Variants in RAB30 observed in about 807,000 individuals in gnomAD.
RAB30 encodes ras-related protein Rab-30.
Under a neutral mutation model 25.1 loss-of-function variants are expected in RAB30, and 9 were observed. The observed-to-expected ratio is 0.36, with a 90% CI of 0.22 to 0.63. RAB30 has a LOEUF of 0.63. Ranked by LOEUF, RAB30 falls within the 20% of genes least tolerant of loss-of-function variation. The pLI is 0.69. For missense variants in RAB30, 140 were observed against 243.5 expected (o/e 0.58, Z 2.83); for synonymous variants, 77 against 86.4 (o/e 0.89, Z 0.60).
chr11:83,003,486 G>A (rs1278476124), intron 1 of RAB30, among the ~76,000 whole-genome samples: 9 of 151,980 alleles, frequency 5.9e-5, no homozygotes, highest in Non-Finnish European at 1.2e-4. Context: ...GCAATGGCGC[G>A]ATCTCGGCTC....
intron 1 of RAB30, among the ~76,000 whole-genome samples, chr11:83,054,885 C>T (rs1013263087): frequency 5.9e-5 from 9 of 151,948 alleles, no homozygotes; most frequent in African/African-American, 1.9e-4. Flanking sequence ...AAAAGAAAAA[C>T]GAAAAGAAAG....
Position 82,982,222 on chromosome 11 carries a change from T to C in RAB30, c.555A>G (p.Ser185=). The part of the protein sequence containing the change: ...RQNTLVNNVS[S]PLPGEGKSIS... ...TGCTTTTCCCTTCTCCAGGTAAGGGTGAGGATACATTGTTCACAAGTGTGT... is the reference window on the plus strand; with the variant it reads ...TGCTTTTCCCTTCTCCAGGTAAGGGCGAGGATACATTGTTCACAAGTGTGT... The change falls in exon 5 of 5, where the codon TCA becomes TCG. Residue 185 remains serine, a synonymous_variant. Coordinates refer to ENST00000527633, the MANE Select transcript of RAB30 (RefSeq NM_001286060.2). The C allele has an allele frequency of 6.2e-7, 1 of 1,614,106 alleles. No individual in the cohort carries two copies. Among genetic ancestry groups the C allele is most frequent in the African/African-American group, 1.3e-5 (1 of 75,012 alleles).
At chr11:83,067,594 T>A (rs1858732529) in intron 1 of RAB30, among the ~76,000 whole-genome samples, 1 of 152,208 alleles carries the variant, frequency 6.6e-6, no homozygotes, top group Non-Finnish European at 1.5e-5. Flanking sequence ...TCTGAAAACG[T>A]CATCCCCAGT....
At chr11:83,006,746 C>T (rs890733468) in intron 1 of RAB30, among the ~76,000 whole-genome samples, 1 of 152,212 alleles carries the variant, frequency 6.6e-6, no homozygotes, top group Non-Finnish European at 1.5e-5. Flanking sequence ...AGCTGCACCC[C>T]TTCATGGGAC....
chr11:82,999,873 A>G (rs1408566019), intron 1 of RAB30, among the ~76,000 whole-genome samples: 5 of 151,850 alleles, frequency 3.3e-5, no homozygotes, highest in Non-Finnish European at 7.4e-5. Context: ...TAAACTCACC[A>G]TGCTACCTGT....
At chr11:83,065,548 A>T (rs924764654) in intron 1 of RAB30, among the ~76,000 whole-genome samples, 2 of 152,192 alleles carry the variant, frequency 1.3e-5, no homozygotes, top group African/African-American at 4.8e-5. Flanking sequence ...GATGTGAGCT[A>T]CTATGCCCAG....
intron 1 of RAB30, among the ~76,000 whole-genome samples, chr11:83,006,475 T>C (rs995680977): frequency 6.6e-6 from 1 of 152,212 alleles, no homozygotes; most frequent in African/African-American, 2.4e-5. Context: ...TATGATTCTA[T>C]ATCTGTATAG....
At chr11:83,057,813 G>A (rs963407681) in intron 1 of RAB30, among the ~76,000 whole-genome samples, 8 of 152,152 alleles carry the variant, frequency 5.3e-5, no homozygotes, top group African/African-American at 7.2e-5. Context: ...AAAAGTATTC[G>A]TCAGACCATG....
At chr11:83,067,516 C>T (rs1858728873) in intron 1 of RAB30, among the ~76,000 whole-genome samples, 1 of 152,180 alleles carries the variant, frequency 6.6e-6, no homozygotes, top group Admixed American at 6.5e-5. Context: ...GAACCTCAAA[C>T]TCAGCATGTC....
intron 1 of RAB30, among the ~76,000 whole-genome samples, chr11:83,037,440 G>A (rs1693840364): frequency 6.6e-6 from 1 of 152,122 alleles, no homozygotes; most frequent in African/African-American, 2.4e-5. Flanking sequence ...AGTAGAGACA[G>A]GGTTTCGCCA....
intron 1 of RAB30, among the ~76,000 whole-genome samples, chr11:83,001,867 C>T (rs919044360): frequency 6.6e-6 from 1 of 152,262 alleles, no homozygotes; most frequent in East Asian, 1.9e-4. Flanking sequence ...ATTTTATATT[C>T]TATTATTGTT....
intron 3 of RAB30, 122 bp downstream of exon 3, chr11:82,993,917 G>T: frequency 4.0e-6 from 3 of 744,558 alleles, no homozygotes; most frequent in Non-Finnish European, 6.6e-6. Context: ...AGCCATTATG[G>T]CTGAGTGCAT....
At chr11:83,023,232 C>T (rs1857623618) in intron 1 of RAB30, among the ~76,000 whole-genome samples, 2 of 152,108 alleles carry the variant, frequency 1.3e-5, no homozygotes, top group South Asian at 2.1e-4. Flanking sequence ...CTGAGATACA[C>T]AACATATAAA....
At chr11:82,996,252 C>G (rs1856956890) in intron 2 of RAB30, among the ~76,000 whole-genome samples, 1 of 152,172 alleles carries the variant, frequency 6.6e-6, no homozygotes, top group Admixed American at 6.5e-5. Flanking sequence ...CACAGACTGT[C>G]AGAGCTGGAA....
intron 3 of RAB30, among the ~76,000 whole-genome samples, chr11:82,990,249 A>G (rs995106921): frequency 9.2e-5 from 14 of 152,164 alleles, no homozygotes; most frequent in Non-Finnish European, 1.9e-4. Flanking sequence ...CTACTCTACT[A>G]CTGAGTTCTT....
intron 3 of RAB30, among the ~76,000 whole-genome samples, chr11:82,990,738 T>C (rs1197939659): frequency 6.6e-6 from 1 of 152,110 alleles, no homozygotes; most frequent in African/African-American, 2.4e-5. Context: ...GACTAAAATA[T>C]ATATGAGAAA....
chr11:82,984,305 T>C (rs760697685), intron 4 of RAB30, among the ~76,000 whole-genome samples: 13 of 152,060 alleles, frequency 8.5e-5, no homozygotes, highest in African/African-American at 2.7e-4. Context: ...GATTGTGGAG[T>C]TGTTATAATA....
At chr11:83,061,357 G>C (rs1038662150) in intron 1 of RAB30, among the ~76,000 whole-genome samples, 3 of 152,094 alleles carry the variant, frequency 2.0e-5, no homozygotes, top group African/African-American at 7.2e-5. Context: ...GAACACAACT[G>C]TATTGGGTAA....
intron 1 of RAB30, among the ~76,000 whole-genome samples, chr11:83,044,938 G>A (rs1183590093): frequency 6.6e-6 from 1 of 152,170 alleles, no homozygotes; most frequent in East Asian, 1.9e-4. Flanking sequence ...AAACCAAGCA[G>A]GCTATCAGGT....
Sources: gnomAD v4.1 joint callset for allele counts (sites outside exome capture counted in the v4.1 genomes callset) on GRCh38, gnomAD v4.1.1 for gene constraint, MANE v1.5 for transcripts, NCBI Gene and HGNC (gene_info 2026-07-23, HGNC 2026-07-21) for gene names.